Variants in VNN2 observed in about 807,000 individuals in gnomAD.
The protein encoded by VNN2 is pantetheine hydrolase VNN2.
In VNN2, 43 loss-of-function variants were observed where a neutral mutation model predicts 43.0. That is an observed-to-expected ratio of 1.00 (90% confidence interval 0.78 to 1.29). The LOEUF (loss-of-function observed/expected upper bound fraction) is 1.29. Ranked by LOEUF, VNN2 falls within the 50% of genes most tolerant of loss-of-function variation. The pLI is 0.00. For synonymous variants in VNN2, 230 were observed against 224.3 expected (o/e 1.03, Z -0.23); for missense variants, 652 against 619.7 (o/e 1.05, Z -0.55).
At chr6:132,748,425 C>T (rs986185184) in intron 6 of VNN2, among the ~76,000 whole-genome samples, 1 of 152,144 alleles carries the variant, frequency 6.6e-6, no homozygotes, top group African/African-American at 2.4e-5. Flanking sequence ...TAGAATTAAG[C>T]ATTTTTATAA....
intron 3 of VNN2, 138 bp downstream of exon 3, chr6:132,755,705 C>T: frequency 9.9e-7 from 1 of 1,006,094 alleles, no homozygotes; most frequent in South Asian, 2.2e-5. Context: ...TGCCCACTTT[C>T]AAAAAACAAA....
At position 132,757,894 on chromosome 6, in the gene VNN2, T is replaced by C; in HGVS notation, c.-11A>G. On this transcript the variant is annotated 5_prime_UTR_variant, in exon 1 of 7. Coordinates refer to ENST00000326499, the MANE Select transcript of VNN2 (RefSeq NM_004665.6). ...AGAGGAAGTGACCATGGCCAAGGTT[T>C]AGTGATTTCTGAAAGCAAAAATAAC... is the stretch of plus-strand genomic sequence containing the variant. 6.2e-7 allele frequency: 1 copy of C among 1,606,190 alleles called. No homozygotes were observed. Among genetic ancestry groups the C allele is most frequent in the Non-Finnish European group, 8.5e-7 (1 of 1,174,710 alleles).
In VNN2 at chr6:132,752,644, A is replaced by G; in HGVS notation, c.643T>C (p.Phe215Leu). The G allele has an allele frequency of 6.2e-7, 1 of 1,614,210 alleles. No homozygotes were observed. Among genetic ancestry groups the G allele is most frequent in the Non-Finnish European group, 8.5e-7 (1 of 1,180,036 alleles). The change falls in exon 4 of 7, where the codon TTC becomes CTC. Residue 215 changes from phenylalanine to leucine, a missense_variant. Phe to Leu is a conservative substitution (Grantham distance 22, BLOSUM62 0). Transcript: ENST00000326499. ...AGGGTAACACCAGGATCATAGAAGA[A>G]TATATCAAAGCACGTGAAAATGCCA... ...RFGIFTCFDI[F>L]FYDPGVTLVK...
At chr6:132,763,150 C>T (rs926809998) in intron 1 of VNN2, among the ~76,000 whole-genome samples, 5 of 151,070 alleles carry the variant, frequency 3.3e-5, no homozygotes, top group South Asian at 2.1e-4. Flanking sequence ...CCAAGTCACT[C>T]GTTGATTTAT....
At chr6:132,757,270 T>C (rs1294831155) in intron 2 of VNN2, 146 bp downstream of exon 2, 16 of 1,054,642 alleles carry the variant, frequency 1.5e-5, no homozygotes, top group East Asian at 8.6e-5. Context: ...CTAAGTACAA[T>C]TTTTTAAAAT....
At chr6:132,758,855 C>A (rs6569845), upstream of VNN2, among the ~76,000 whole-genome samples, 6,349 of 152,250 alleles carry the variant, frequency 0.042, 241 homozygotes, top group African/African-American at 0.099. Context: ...CCCCGAGGCA[C>A]CTAGGCCAGA....
chr6:132,745,819 T>C (rs1779682703), intron 6 of VNN2, among the ~76,000 whole-genome samples: 1 of 152,106 alleles, frequency 6.6e-6, no homozygotes. Flanking sequence ...GAAACATGCA[T>C]AGACAGTCAA....
upstream of VNN2, among the ~76,000 whole-genome samples, chr6:132,762,816 T>C (rs1780768635): frequency 6.6e-6 from 1 of 152,258 alleles, no homozygotes; most frequent in South Asian, 2.1e-4. Flanking sequence ...TCACTGTTTT[T>C]GACCTAGCAA....
chr6:132,752,262 A>G (rs973686866), intron 4 of VNN2, among the ~76,000 whole-genome samples, 199 bp downstream of exon 4: 8 of 152,254 alleles, frequency 5.3e-5, no homozygotes, highest in Non-Finnish European at 1.0e-4. Flanking sequence ...TATTGTAATA[A>G]TTAAATGAAT....
intron 2 of VNN2, 55 bp downstream of exon 2, chr6:132,757,361 A>G: frequency 6.5e-7 from 1 of 1,534,964 alleles, no homozygotes; most frequent in Non-Finnish European, 8.8e-7. Flanking sequence ...GCTTTGGTGA[A>G]CGTGCGCATT....
intron 6 of VNN2, among the ~76,000 whole-genome samples, chr6:132,747,224 G>A (rs1309811162): frequency 6.6e-6 from 1 of 152,070 alleles, no homozygotes; most frequent in Non-Finnish European, 1.5e-5. Context: ...GAGACCTACT[G>A]ATACCATATT....
chr6:132,752,135 C>T lies in VNN2; in HGVS notation c.826+326G>A, dbSNP rs552679239. ...GGAGACAAAGGGCAAGATATAGAGG[C>T]TTCCATGGCCACTGAGGAAAGTAGT... is the stretch of plus-strand genomic sequence containing the variant. On this transcript the variant is annotated intron_variant, in intron 4 of 6. Coordinates refer to ENST00000326499, the MANE Select transcript of VNN2 (RefSeq NM_004665.6). Among the ~76,000 whole-genome samples the T allele has an allele frequency of 2.6e-5, 4 of 152,280 alleles. No individual in the cohort carries two copies. The South Asian group carries it at 8.3e-4, about 32-fold the overall frequency.
In VNN2 at chr6:132,749,802, C is replaced by A. The variant is rs761179412; in HGVS notation, c.1264G>T (p.Ala422Ser). 1.9e-6 allele frequency: 3 copies of A among 1,614,112 alleles called. No individual in the cohort carries two copies. Among genetic ancestry groups the A allele is most frequent in the Non-Finnish European group, 1.7e-6 (2 of 1,179,978 alleles). The change falls in exon 6 of 7, where the codon GCT (alanine) becomes TCT (serine). Residue 422 changes from alanine to serine, a missense_variant. Ala to Ser is a moderately conservative substitution (Grantham distance 99). Coordinates refer to ENST00000326499, the MANE Select transcript of VNN2 (RefSeq NM_004665.6). ...GAGAACATTTCAAATCTTGTAGAAG[C>A]AGTTTCTACTGGCCGTCCACAAGTT... is the stretch of plus-strand genomic sequence containing the variant. ...LTTCGRPVET[A>S]STRFEMFSLS...
intron 3 of VNN2, among the ~76,000 whole-genome samples, chr6:132,754,866 T>C (rs1433323203): frequency 6.6e-6 from 1 of 152,230 alleles, no homozygotes; most frequent in East Asian, 1.9e-4. Flanking sequence ...TTCTACCATT[T>C]CAATATTAAA....
intron 5 of VNN2, 23 bp downstream of exon 5, chr6:132,751,122 C>T: frequency 6.5e-7 from 1 of 1,548,388 alleles, no homozygotes; most frequent in Non-Finnish European, 8.7e-7. Context: ...ACTTGAATGC[C>T]CTTTCATTTG....
intron 2 of VNN2, among the ~76,000 whole-genome samples, chr6:132,756,957 G>A (rs1361803562): frequency 4.6e-5 from 7 of 152,266 alleles, no homozygotes; most frequent in African/African-American, 1.7e-4. Flanking sequence ...TTAGATTTGT[G>A]AGCCTAGGAA....
At chr6:132,753,634 A>G (rs1385621981) in intron 3 of VNN2, 1 of 292,366 alleles carries the variant, frequency 3.4e-6, no homozygotes, top group African/African-American at 2.2e-5. Context: ...AAAATAGAAA[A>G]GAAATTGGGC....
At chr6:132,761,194 A>G (rs1359461856), upstream of VNN2, among the ~76,000 whole-genome samples, 1 of 152,210 alleles carries the variant, frequency 6.6e-6, no homozygotes, top group Non-Finnish European at 1.5e-5. Flanking sequence ...TAACTGAATT[A>G]TAAAATAAAG....
At chr6:132,761,825 G>A (rs1780745949), upstream of VNN2, among the ~76,000 whole-genome samples, 1 of 151,968 alleles carries the variant, frequency 6.6e-6, no homozygotes, top group South Asian at 2.1e-4. Context: ...TAAGCATAGG[G>A]GTGTAGTTTC....
Sources: allele counts gnomAD v4.1 joint callset (sites outside exome capture counted in the v4.1 genomes callset), GRCh38; gene constraint gnomAD v4.1.1; transcripts MANE v1.5; gene names NCBI Gene and HGNC (gene_info 2026-07-23, HGNC 2026-07-21).